NXPH1: variants seen among roughly 807,000 people sequenced by gnomAD.
The protein encoded by NXPH1 is neurexophilin 1, also known as neurexophilin-1.
A neutral mutation model predicts 23.7 loss-of-function variants in NXPH1; 5 were observed. The observed-to-expected ratio is 0.21, with a 90% confidence interval of 0.11 to 0.44. The LOEUF is 0.44. NXPH1 is among the 20% of genes least tolerant of loss of function. NXPH1 has a pLI of 0.99. For synonymous variants in NXPH1, 144 were observed against 122.2 expected (o/e 1.18, Z -1.18); for missense variants, 324 against 321.6 (o/e 1.01, Z -0.06).
intron 2 of NXPH1, among the ~76,000 whole-genome samples, chr7:8,601,691 A>G (rs1562420957): frequency 6.6e-6 from 1 of 152,180 alleles, no homozygotes; most frequent in Non-Finnish European, 1.5e-5. Context: ...CCAATTCCCT[A>G]AAATACAGGA....
At chr7:8,603,100 C>T (rs551094312) in intron 2 of NXPH1, among the ~76,000 whole-genome samples, 1 of 152,000 alleles carries the variant, frequency 6.6e-6, no homozygotes, top group Non-Finnish European at 1.5e-5. Context: ...CGTGAGCCAC[C>T]GTGCTCTGTC....
chr7:8,647,246 C>A (rs975650015), intron 2 of NXPH1, among the ~76,000 whole-genome samples: 2 of 152,202 alleles, frequency 1.3e-5, no homozygotes, highest in Non-Finnish European at 2.9e-5. Flanking sequence ...TCTCCACTGG[C>A]CACCCAGAGG....
intron 2 of NXPH1, among the ~76,000 whole-genome samples, chr7:8,612,310 G>C (rs549442277): frequency 1.4e-5 from 2 of 146,466 alleles, no homozygotes; most frequent in Admixed American, 1.4e-4. Flanking sequence ...AGTATTTATA[G>C]TGATATAATC....
At chr7:8,679,012 A>C (rs1821008558) in intron 2 of NXPH1, among the ~76,000 whole-genome samples, 1 of 130,954 alleles carries the variant, frequency 7.6e-6, no homozygotes, top group Non-Finnish European at 1.5e-5. Flanking sequence ...CAGTGGCACG[A>C]TTTCGGCTCA....
At chr7:8,620,927 T>C (rs1229475632) in intron 2 of NXPH1, among the ~76,000 whole-genome samples, 3 of 152,174 alleles carry the variant, frequency 2.0e-5, no homozygotes, top group African/African-American at 7.2e-5. Context: ...TCATAACCTA[T>C]GAATAAAAAC....
In NXPH1 at chr7:8,703,554, T is replaced by A. The variant is rs537157067; in HGVS notation, c.55-47454T>A. On this transcript the variant is annotated intron_variant, in intron 2 of 2. Transcript: ENST00000405863. ...TCTTTGTCTTGGAAGCAGTACTGAT[T>A]TTTTTTTGCTTATAGTATGCAGTGG... Among the ~76,000 whole-genome samples the A allele has an allele frequency of 4.1e-3, 169 of 41,534 alleles. 5 individuals carry two copies. In the East Asian group the frequency reaches 0.3, roughly 73 times the overall value. The allele number at this position is 41,534 out of a possible 152,430, so 27.2% of individuals were successfully genotyped here.
At chr7:8,583,285 A>G (rs141063915) in intron 2 of NXPH1, among the ~76,000 whole-genome samples, 1 of 152,330 alleles carries the variant, frequency 6.6e-6, no homozygotes, top group East Asian at 1.9e-4. Context: ...CGCATTGTAA[A>G]GTGCCTTCTG....
At chr7:8,686,972 T>C (rs1821156366) in intron 2 of NXPH1, among the ~76,000 whole-genome samples, 1 of 152,160 alleles carries the variant, frequency 6.6e-6, no homozygotes, top group Non-Finnish European at 1.5e-5. Flanking sequence ...CAAGAAGTTG[T>C]ACCGTTTGGC....
intron 2 of NXPH1, among the ~76,000 whole-genome samples, chr7:8,515,933 T>C (rs887176394): frequency 3.3e-5 from 5 of 152,154 alleles, no homozygotes; most frequent in Admixed American, 2.6e-4. Context: ...CTTCTGTTCT[T>C]ACCACCTCAT....
intron 2 of NXPH1, among the ~76,000 whole-genome samples, chr7:8,605,016 T>C (rs1819451791): frequency 6.6e-6 from 1 of 152,144 alleles, no homozygotes. Context: ...CATTGCTAAT[T>C]GTCAGAACTG....
intron 2 of NXPH1, among the ~76,000 whole-genome samples, chr7:8,534,420 G>A (rs1817996410): frequency 6.6e-6 from 1 of 152,128 alleles, no homozygotes; most frequent in Non-Finnish European, 1.5e-5. Flanking sequence ...ATTGTAGACT[G>A]TGTAAAAACA....
At chr7:8,599,121 T>C (rs1343114982) in intron 2 of NXPH1, among the ~76,000 whole-genome samples, 3 of 152,130 alleles carry the variant, frequency 2.0e-5, no homozygotes, top group Non-Finnish European at 2.9e-5. Context: ...TAGAATGAAC[T>C]GTGTTATAAG....
intron 2 of NXPH1, among the ~76,000 whole-genome samples, chr7:8,621,490 C>CTTTTTTTTTTTTTTTTTTTTTTTTTTT (rs113473603): frequency 7.1e-5 from 10 of 140,292 alleles, no homozygotes; most frequent in South Asian, 4.8e-4. Flanking sequence ...GCTAGCCACT[C>CTTTTTTTTTTTTTTTTTTTTTTTTTTT]TTTTTTTTTT....
intron 2 of NXPH1, among the ~76,000 whole-genome samples, chr7:8,649,498 A>G (rs1820455292): frequency 6.6e-6 from 1 of 152,192 alleles, no homozygotes; most frequent in Non-Finnish European, 1.5e-5. Flanking sequence ...AACCAAGACC[A>G]GGGCAAAATA....
At chr7:8,735,079 A>T (rs962819532) in intron 2 of NXPH1, among the ~76,000 whole-genome samples, 1 of 152,214 alleles carries the variant, frequency 6.6e-6, no homozygotes, top group African/African-American at 2.4e-5. Flanking sequence ...AAATCATGTC[A>T]TCTGCAAACA....
intron 2 of NXPH1, among the ~76,000 whole-genome samples, chr7:8,700,866 G>A (rs1237963361): frequency 1.3e-5 from 2 of 151,928 alleles, no homozygotes; most frequent in Non-Finnish European, 2.9e-5. Context: ...TCCACTGCTT[G>A]TTTTTGCATG....
At chr7:8,607,673 G>A (rs1819524140) in intron 2 of NXPH1, among the ~76,000 whole-genome samples, 1 of 152,144 alleles carries the variant, frequency 6.6e-6, no homozygotes, top group Non-Finnish European at 1.5e-5. Flanking sequence ...ATTGAACTGT[G>A]GGAATATGTT....
At chr7:8,461,810 C>G (rs1284824271) in intron 2 of NXPH1, among the ~76,000 whole-genome samples, 1 of 124,590 alleles carries the variant, frequency 8.0e-6, no homozygotes, top group African/African-American at 3.4e-5. Context: ...GCAGTCCGGC[C>G]TGGGCGACAG....
chr7:8,645,817 C>A (rs1001218271), intron 2 of NXPH1, among the ~76,000 whole-genome samples: 3 of 152,046 alleles, frequency 2.0e-5, no homozygotes, highest in Non-Finnish European at 4.4e-5. Flanking sequence ...TTCCCAACAC[C>A]ATTATTTCTC....
Sources: gnomAD v4.1 joint callset for allele counts (sites outside exome capture counted in the v4.1 genomes callset) on GRCh38, gnomAD v4.1.1 for gene constraint, MANE v1.5 for transcripts, NCBI Gene and HGNC (gene_info 2026-07-23, HGNC 2026-07-21) for gene names.